NOXRED1: variants seen among roughly 807,000 people sequenced by gnomAD.
NOXRED1 encodes the protein NADP-dependent oxidoreductase domain-containing protein 1.
In NOXRED1, 20 loss-of-function variants were observed where a neutral mutation model predicts 30.4. The observed-to-expected ratio is 0.66, with a 90% CI of 0.46 to 0.96. The LOEUF is 0.96. NOXRED1 is among the 40% of genes least tolerant of loss of function. NOXRED1 has a pLI of 0.00. For synonymous variants in NOXRED1, 155 were observed against 168.0 expected (o/e 0.92, Z 0.60); for missense variants, 374 against 428.0 (o/e 0.87, Z 1.11).
chr14:77,409,587 C>T (rs2139681879), intron 2 of NOXRED1, among the ~76,000 whole-genome samples: 1 of 152,246 alleles, frequency 6.6e-6, no homozygotes, highest in Admixed American at 6.5e-5. Context: ...GTTTAGAAAA[C>T]AGGCCTATCT....
At chr14:77,394,919 C>T (rs1255199873) in intron 5 of NOXRED1, 114 bp from the exon 6 acceptor site, 2 of 650,350 alleles carry the variant, frequency 3.1e-6, no homozygotes, top group Admixed American at 5.9e-5. Flanking sequence ...AAACTAGAAA[C>T]ATTAATACCT....
In NOXRED1 at chr14:77,402,502, T is replaced by G. The variant is rs548140286; in HGVS notation, c.905+3411A>C. Among the ~76,000 whole-genome samples, 26 of 152,114 alleles carry G rather than the reference T, an allele frequency of 1.7e-4. No individual in the cohort carries two copies. In the East Asian group the frequency reaches 5.0e-3, roughly 29 times the overall value. The stretch of plus-strand genomic sequence containing the variant: ...TACAAAAATTAGCCAGGCATGGTGG[T>G]GCATGCCTGTAATCCCAGCTACTCG... On this transcript the variant is annotated intron_variant, in intron 5 of 5. Coordinates refer to ENST00000380835, the MANE Select transcript of NOXRED1 (RefSeq NM_001113475.3).
intron 2 of NOXRED1, among the ~76,000 whole-genome samples, chr14:77,413,486 C>G (rs963744222): frequency 4.6e-5 from 7 of 152,290 alleles, no homozygotes; most frequent in African/African-American, 1.7e-4. Context: ...ATCTGCCCGC[C>G]TTGGCCTCCC....
chr14:77,419,593 C>T (rs936740809), intron 1 of NOXRED1, among the ~76,000 whole-genome samples: 10 of 151,596 alleles, frequency 6.6e-5, no homozygotes, highest in African/African-American at 1.7e-4. Context: ...GGACTATAGG[C>T]GCCCGCCACC....
intron 5 of NOXRED1, among the ~76,000 whole-genome samples, chr14:77,401,662 T>A (rs997138304): frequency 1.3e-5 from 2 of 152,146 alleles, no homozygotes; most frequent in African/African-American, 4.8e-5. Context: ...GCCATGATCG[T>A]GCCACTGCAC....
At chr14:77,416,774 G>A (rs1349099145) in intron 1 of NOXRED1, among the ~76,000 whole-genome samples, 3 of 152,144 alleles carry the variant, frequency 2.0e-5, no homozygotes, top group Non-Finnish European at 4.4e-5. Flanking sequence ...TCCCAGTAGG[G>A]GCGGCCGGGC....
At chr14:77,417,705 C>CTTGTTT (rs1041466602) in intron 1 of NOXRED1, among the ~76,000 whole-genome samples, 2 of 149,402 alleles carry the variant, frequency 1.3e-5, no homozygotes, top group East Asian at 1.9e-4. Flanking sequence ...TACGTTGGAT[C>CTTGTTT]TTGTTTTTGT....
intron 1 of NOXRED1, among the ~76,000 whole-genome samples, chr14:77,420,380 T>TG (rs370943415): frequency 2.2e-3 from 318 of 143,750 alleles, no homozygotes; most frequent in East Asian, 4.1e-3. Context: ...TTTTTTTTGT[T>TG]TTGTTTTGTT....
intron 2 of NOXRED1, among the ~76,000 whole-genome samples, chr14:77,408,159 C>A (rs554790877): frequency 1.6e-4 from 25 of 152,026 alleles, no homozygotes; most frequent in Non-Finnish European, 3.1e-4. Flanking sequence ...TGAGCCACCA[C>A]GCCTGGCCTA....
intron 5 of NOXRED1, among the ~76,000 whole-genome samples, chr14:77,395,361 C>T (rs1280225371): frequency 6.6e-6 from 1 of 152,052 alleles, no homozygotes; most frequent in Non-Finnish European, 1.5e-5. Context: ...CCGTCTCGGC[C>T]TCCCAAAGTG....
chr14:77,401,489 A>C (rs1471721777), intron 5 of NOXRED1, among the ~76,000 whole-genome samples: 1 of 152,226 alleles, frequency 6.6e-6, no homozygotes, highest in African/African-American at 2.4e-5. Flanking sequence ...TGAGGCCAGG[A>C]GCTTGAGACC....
intron 3 of NOXRED1, among the ~76,000 whole-genome samples, chr14:77,407,261 T>A (rs1489879155): frequency 3.3e-5 from 5 of 152,172 alleles, no homozygotes; most frequent in South Asian, 4.1e-4. Flanking sequence ...ACAAAAATGG[T>A]TTGTGGTTAC....
At chr14:77,417,397 TCTC>T (rs1195211701) in intron 1 of NOXRED1, among the ~76,000 whole-genome samples, 3 of 152,226 alleles carry the variant, frequency 2.0e-5, no homozygotes, top group East Asian at 1.9e-4. Context: ...GGTATTAAAA[TCTC>T]CTACTATAAT....
intron 5 of NOXRED1, among the ~76,000 whole-genome samples, chr14:77,404,846 C>G (rs1414142594): frequency 1.3e-5 from 2 of 151,932 alleles, no homozygotes; most frequent in Non-Finnish European, 2.9e-5. Context: ...GATCTAGTGA[C>G]ATGGAAGTCA....
At chr14:77,417,890 ATT>A (rs35970109) in intron 1 of NOXRED1, among the ~76,000 whole-genome samples, 61 of 137,236 alleles carry the variant, frequency 4.4e-4, no homozygotes, top group Admixed American at 2.1e-3. Context: ...TATTTCACTG[ATT>A]TTTTTTTTTT....
Position 77,400,659 on chromosome 14 carries a change from T to G in NOXRED1, c.905+5254A>C, listed in dbSNP as rs548295949. Among the ~76,000 whole-genome samples the G allele has an allele frequency of 5.6e-4, 86 of 152,328 alleles. 1 individual carries two copies. The highest frequency in any genetic ancestry group is 1.8e-3 in the African/African-American group (75 of 41,570). ...TGAGCCTTTCACTGAATACACAATT[T>G]ACAGGAATAGTCTCTTATGACTTAG... On this transcript the variant is annotated intron_variant, in intron 5 of 5. Coordinates refer to ENST00000380835, the MANE Select transcript of NOXRED1 (RefSeq NM_001113475.3).
chr14:77,406,089 C>A lies in NOXRED1; in HGVS notation c.729G>T (p.Ala243=). ...NIKWLEGVFY[A]ALNICTARNM... ...TTCTTGCTGTGCATATGTTTAGGGC[C>A]GCATAGAACACTCCCTCCAACCACT... The change falls in exon 5 of 6, where the codon GCG becomes GCT. Residue 243 remains alanine (A), a synonymous_variant. Transcript: ENST00000380835. 1 of 1,613,706 alleles carries A rather than the reference C, an allele frequency of 6.2e-7. No individual in the cohort carries two copies. Among genetic ancestry groups the A allele is most frequent in the Non-Finnish European group, 8.5e-7 (1 of 1,179,780 alleles).
chr14:77,395,102 T>C (rs1337730280), intron 5 of NOXRED1, among the ~76,000 whole-genome samples: 2 of 114,750 alleles, frequency 1.7e-5, no homozygotes, highest in Non-Finnish European at 3.5e-5. Flanking sequence ...TTTTCTTTTT[T>C]TTCTTTCTTT....
chr14:77,408,888 G>A lies in NOXRED1; in HGVS notation c.350-1243C>T, dbSNP rs1028509483. ...AGTTGCATAAAAACACTCACTGGTA[G>A]TTAATTTTTTTTTTTTTTTTTTTTG... On this transcript the variant is annotated intron_variant, in intron 2 of 5. Coordinates refer to ENST00000380835, the MANE Select transcript of NOXRED1 (RefSeq NM_001113475.3). Among the ~76,000 whole-genome samples, 120 of 17,646 alleles carry A rather than the reference G, an allele frequency of 6.8e-3. 3 individuals are homozygous for A. Among genetic ancestry groups the A allele is most frequent in the African/African-American group, 0.011 (118 of 10,680 alleles). 11.6% of individuals were successfully genotyped at this position (17,646 alleles called of 152,430 possible).
Sources: gnomAD v4.1 joint callset for allele counts (sites outside exome capture counted in the v4.1 genomes callset) on GRCh38, gnomAD v4.1.1 for gene constraint, MANE v1.5 for transcripts, NCBI Gene and HGNC (gene_info 2026-07-23, HGNC 2026-07-21) for gene names.